FRRS1: variants seen among roughly 807,000 people sequenced by gnomAD.
FRRS1 encodes ferric chelate reductase 1.
In FRRS1, 51 loss-of-function variants were observed where a neutral mutation model predicts 70.7. That is an observed-to-expected ratio of 0.72 (90% confidence interval 0.58 to 0.91). The LOEUF (loss-of-function observed/expected upper bound fraction) is 0.91. Among genes scored for constraint, FRRS1 ranks in the 40% least tolerant of loss-of-function variants. The pLI, the probability that FRRS1 is intolerant of heterozygous loss-of-function variation, is 0.00. For missense variants in FRRS1, 672 were observed against 726.0 expected, an observed-to-expected ratio of 0.93 and a Z score of 0.86; for synonymous variants, 225 against 238.7, an observed-to-expected ratio of 0.94 and a Z score of 0.53.
rs181272386 is a variant in FRRS1 at position 99,735,565 on chromosome 1, G to C, written c.759+2521C>G. Reference sequence around the variant, plus strand: ...AAATAACCACTTAAAAATATATTTTGAGGATGATTCATTTCCCCCAAGTTA... The same window carrying C: ...AAATAACCACTTAAAAATATATTTTCAGGATGATTCATTTCCCCCAAGTTA... On this transcript the variant is annotated intron_variant, in intron 7 of 16. Transcript: ENST00000646001. Among the ~76,000 whole-genome samples, 12 of 152,286 alleles carry C rather than the reference G, an allele frequency of 7.9e-5. No homozygotes were observed. In the East Asian group the frequency reaches 1.7e-3, roughly 22 times the overall value.
At chr1:99,724,148 T>C (rs1182770196) in intron 9 of FRRS1, among the ~76,000 whole-genome samples, 1 of 152,200 alleles carries the variant, frequency 6.6e-6, no homozygotes. Flanking sequence ...GAACTTAACC[T>C]TCATGAAAGC....
chr1:99,724,208 T>C (rs1387717440), intron 9 of FRRS1, among the ~76,000 whole-genome samples: 2 of 152,216 alleles, frequency 1.3e-5, no homozygotes, highest in Non-Finnish European at 2.9e-5. Flanking sequence ...CATTATAATT[T>C]TGCAGTCTTG....
At chr1:99,728,204 C>T (rs1054290212) in intron 9 of FRRS1, among the ~76,000 whole-genome samples, 3 of 152,194 alleles carry the variant, frequency 2.0e-5, no homozygotes, top group Non-Finnish European at 2.9e-5. Flanking sequence ...AGCCCAAATA[C>T]GTGGCTTCTT....
At position 99,704,421 on chromosome 1, in the gene FRRS1, G is replaced by A. The variant is rs1653974609; in HGVS notation, c.*4607C>T. 2.0e-5 allele frequency among the ~76,000 whole-genome samples: 3 copies of A among 152,194 alleles called. No individual in the cohort carries two copies. Among genetic ancestry groups the A allele is most frequent in the African/African-American group, 7.2e-5 (3 of 41,462 alleles). Reference sequence around the variant, plus strand: ...CTAGCTTTTGTAAGTGATAACGGGAGGGAAGTGCTGGGAAGGGCGTGGTCC... The same window carrying A: ...CTAGCTTTTGTAAGTGATAACGGGAAGGAAGTGCTGGGAAGGGCGTGGTCC... On this transcript the variant is annotated 3_prime_UTR_variant, in exon 17 of 17. Coordinates refer to ENST00000646001, the MANE Select transcript of FRRS1 (RefSeq NM_001361041.2).
intron 6 of FRRS1, among the ~76,000 whole-genome samples, chr1:99,738,541 AG>A (rs1045867240): frequency 2.0e-5 from 3 of 152,194 alleles, no homozygotes; most frequent in Non-Finnish European, 4.4e-5. Context: ...AGGGTATTAA[AG>A]CTCCTGTAAT....
At chr1:99,712,269 T>C in intron 13 of FRRS1, 106 bp from the exon 14 acceptor site, 1 of 963,236 alleles carries the variant, frequency 1.0e-6, no homozygotes, top group African/African-American at 1.6e-5. Context: ...GAATTAGATA[T>C]CTGAAATGCA....
At chr1:99,741,314 A>G (rs574582044) in intron 5 of FRRS1, among the ~76,000 whole-genome samples, 44 of 152,358 alleles carry the variant, frequency 2.9e-4, no homozygotes, top group Admixed American at 2.0e-3. Flanking sequence ...GTAGCAAGCA[A>G]CAACAGCAAC....
chr1:99,717,912 T>G (rs905164087), intron 10 of FRRS1, among the ~76,000 whole-genome samples: 5 of 152,232 alleles, frequency 3.3e-5, no homozygotes, highest in African/African-American at 1.2e-4. Flanking sequence ...TCAGCAACTG[T>G]GCTCTTAACC....
At chr1:99,735,740 G>A (rs1655622601) in intron 7 of FRRS1, among the ~76,000 whole-genome samples, 1 of 152,138 alleles carries the variant, frequency 6.6e-6, no homozygotes, top group Non-Finnish European at 1.5e-5. Context: ...AATATATCTT[G>A]AATTAGAGAG....
At position 99,708,877 on chromosome 1, in the gene FRRS1, A is replaced by G. The variant is rs1654141946; in HGVS notation, c.*151T>C. 6.5e-7 allele frequency: 1 copy of G among 1,546,560 alleles called. No individual in the cohort carries two copies. The highest frequency in any genetic ancestry group is 1.4e-5 in the African/African-American group (1 of 73,298). On this transcript the variant is annotated 3_prime_UTR_variant, in exon 17 of 17. Transcript: ENST00000646001. ...GACCCTCTTGAATGTTGTTCTCTAA[A>G]GGCTGGACTTCAGAATTCCTCTACA...
intron 8 of FRRS1, 151 bp downstream of exon 8, chr1:99,729,499 A>C (rs999209577): frequency 9.3e-6 from 5 of 538,954 alleles, no homozygotes; most frequent in Non-Finnish European, 1.7e-5. Context: ...CTCAGAAATC[A>C]TTATGAGAGG....
chr1:99,741,401 A>G (rs1201066193), intron 5 of FRRS1, among the ~76,000 whole-genome samples: 2 of 152,340 alleles, frequency 1.3e-5, no homozygotes, highest in South Asian at 4.1e-4. Flanking sequence ...TCCATCTAAC[A>G]TACCAGTGCA....
chr1:99,756,775 A>C (rs1656856137), intron 1 of FRRS1, among the ~76,000 whole-genome samples: 1 of 152,224 alleles, frequency 6.6e-6, no homozygotes, highest in Non-Finnish European at 1.5e-5. Flanking sequence ...TTAAGCTAGC[A>C]AACAGTGAAT....
At chr1:99,722,348 C>A (rs1654876062) in intron 9 of FRRS1, among the ~76,000 whole-genome samples, 2 of 152,144 alleles carry the variant, frequency 1.3e-5, no homozygotes, top group Admixed American at 1.3e-4. Context: ...CTAGAGCTTA[C>A]TCTATGAGTT....
intron 1 of FRRS1, among the ~76,000 whole-genome samples, chr1:99,752,247 G>A (rs764107258): frequency 1.3e-5 from 2 of 152,166 alleles, no homozygotes; most frequent in Non-Finnish European, 2.9e-5. Context: ...TGGCTGACTG[G>A]AACAAGAGGC....
Position 99,719,868 on chromosome 1 carries a change from T to C in FRRS1, c.1007-221A>G, listed in dbSNP as rs946294555. Among the ~76,000 whole-genome samples the C allele has an allele frequency of 2.6e-5, 4 of 152,090 alleles. No individual in the cohort carries two copies. The South Asian group carries it at 8.3e-4, about 32-fold the overall frequency. On this transcript the variant is annotated intron_variant, in intron 9 of 16. Transcript: ENST00000646001. ...TTAAAGAATGTAGCCAACCAAGAGA[T>C]GAATTAAAATGACAACTAGGAATGG...
chr1:99,715,630 T>C lies in FRRS1; in HGVS notation c.1279A>G (p.Ile427Val). The change falls in exon 12 of 17, where the codon ATT becomes GTT. Residue 427 changes from isoleucine (I) to valine (V), a missense_variant. Physicochemically the swap from Ile to Val is conservative, Grantham distance 29. Coordinates refer to ENST00000646001, the MANE Select transcript of FRRS1 (RefSeq NM_001361041.2). Reference protein sequence around the residue: ...LMFTTTVLTCIAFVMPFIYRG... With the variant: ...LMFTTTVLTCVAFVMPFIYRG... ...TATATAAACGGCATAACAAAAGCAA[T>C]GCAGGTGAGGACAGTTGTGGTGAAC... The C allele has an allele frequency of 1.2e-6, 2 of 1,613,710 alleles. No individual in the cohort carries two copies. The highest frequency in any genetic ancestry group is 8.5e-7 in the Non-Finnish European group (1 of 1,179,648).
Position 99,706,891 on chromosome 1 carries a change from CAA to C in FRRS1, c.*2135_*2136del, listed in dbSNP as rs386367804. 8.1e-5 allele frequency among the ~76,000 whole-genome samples: 10 copies of C among 123,468 alleles called. No individual in the cohort carries two copies. Among genetic ancestry groups the C allele is most frequent in the African/African-American group, 1.6e-4 (6 of 37,772 alleles). 81.0% of individuals were successfully genotyped at this position (123,468 alleles called of 152,430 possible). Reference sequence around the variant, plus strand: ...TAGACAACAGAGTGAGACTTTGTCACAAAAAAAAAAAAGAGAGAATTTTTCTT... The same window carrying C: ...TAGACAACAGAGTGAGACTTTGTCACAAAAAAAAAAGAGAGAATTTTTCTT... On this transcript the variant is annotated 3_prime_UTR_variant, in exon 17 of 17. Coordinates refer to ENST00000646001, the MANE Select transcript of FRRS1 (RefSeq NM_001361041.2).
intron 3 of FRRS1, 75 bp from the exon 4 acceptor site, chr1:99,747,505 A>T (rs1458936865): frequency 7.3e-7 from 1 of 1,373,032 alleles, no homozygotes; most frequent in African/African-American, 1.5e-5. Flanking sequence ...TGTACATTAC[A>T]ATTACAATGA....
Sources: allele counts gnomAD v4.1 joint callset (sites outside exome capture counted in the v4.1 genomes callset), GRCh38; gene constraint gnomAD v4.1.1; transcripts MANE v1.5; gene names NCBI Gene and HGNC (gene_info 2026-07-23, HGNC 2026-07-21).